The following CDON variants were observed in gnomAD, a reference collection of about 807,000 sequenced individuals.
The protein encoded by CDON is cell adhesion associated, oncogene regulated.
Under a neutral mutation model 120.9 loss-of-function variants are expected in CDON, and 73 were observed. That is an observed-to-expected ratio of 0.60 (90% CI 0.50 to 0.73). The LOEUF (loss-of-function observed/expected upper bound fraction) is 0.73, where lower values mean the gene tolerates loss of function less well. Ranked by LOEUF, CDON falls within the 30% of genes least tolerant of loss-of-function variation. The pLI, the probability that CDON is intolerant of heterozygous loss-of-function variation, is 0.00. For missense variants in CDON, 1,470 were observed against 1,587.3 expected (o/e 0.93, Z 1.26); for synonymous variants, 566 against 573.5 (o/e 0.99, Z 0.19).
At chr11:126,011,912 C>T (rs1947314661) in intron 7 of CDON, among the ~76,000 whole-genome samples, 1 of 152,168 alleles carries the variant, frequency 6.6e-6, no homozygotes, top group South Asian at 2.1e-4. Flanking sequence ...TACCTCCATG[C>T]TGATAACAAT....
chr11:126,010,116 C>G (rs1252504276), intron 8 of CDON, among the ~76,000 whole-genome samples: 3 of 152,172 alleles, frequency 2.0e-5, no homozygotes, highest in Non-Finnish European at 4.4e-5. Flanking sequence ...TGAGAGCTTT[C>G]TGTATTGCAC....
intron 1 of CDON, among the ~76,000 whole-genome samples, chr11:126,033,793 T>C (rs1948014497): frequency 6.6e-6 from 1 of 151,938 alleles, no homozygotes; most frequent in Admixed American, 6.6e-5. Context: ...GCAAACAGAG[T>C]GCTACAAGTC....
chr11:125,966,059 C>T (rs1232377849), intron 18 of CDON, among the ~76,000 whole-genome samples: 1 of 151,998 alleles, frequency 6.6e-6, no homozygotes, highest in Non-Finnish European at 1.5e-5. Context: ...ACCGCTTGAA[C>T]CCGAGAGGCA....
rs1439841928 is a variant in CDON, at chr11:126,000,453, CTG to C, written c.2158+1264_2158+1265del. 9.2e-5 allele frequency among the ~76,000 whole-genome samples: 14 copies of C among 152,340 alleles called. No homozygotes were observed. In the East Asian group the frequency reaches 2.1e-3, roughly 23 times the overall value. On this transcript the variant is annotated intron_variant, in intron 11 of 19. Transcript: ENST00000531738. Reference sequence around the variant, plus strand: ...AAACTCCTGGACTCAAGCGATCCTCCTGTCTCAGCCTCCCAAAGCACTAGCAT... The same window carrying C: ...AAACTCCTGGACTCAAGCGATCCTCCTCTCAGCCTCCCAAAGCACTAGCAT...
intron 7 of CDON, among the ~76,000 whole-genome samples, chr11:126,012,915 T>C (rs1401522820): frequency 6.6e-6 from 1 of 152,214 alleles, no homozygotes; most frequent in African/African-American, 2.4e-5. Flanking sequence ...CTGTGCTGGT[T>C]AGGATTTCCA....
chr11:126,032,405 G>A (rs1013780943), intron 1 of CDON, among the ~76,000 whole-genome samples: 1 of 152,086 alleles, frequency 6.6e-6, no homozygotes, highest in African/African-American at 2.4e-5. Flanking sequence ...ACAGTAAGAA[G>A]AGAAGGATAA....
rs184332389 is a variant in CDON, at chr11:125,971,150, A to G, written c.3356+7154T>C. 6.4e-4 allele frequency among the ~76,000 whole-genome samples: 97 copies of G among 152,236 alleles called. 1 individual carries two copies. The highest frequency in any genetic ancestry group is 1.8e-3 in the Admixed American group (28 of 15,296). On this transcript the variant is annotated intron_variant, in intron 18 of 19. Transcript: ENST00000531738. The stretch of plus-strand genomic sequence containing the variant: ...TGTAATCCCAGTACTTTGGGGGGCC[A>G]AGGCGGGCGGATCACGAGGTCAGGA...
At chr11:125,999,947 G>C (rs186612706) in intron 11 of CDON, among the ~76,000 whole-genome samples, 1 of 152,110 alleles carries the variant, frequency 6.6e-6, no homozygotes, top group Non-Finnish European at 1.5e-5. Flanking sequence ...GCCACTTGTC[G>C]AGATGTCTTT....
At chr11:125,965,403 G>A (rs1565488531) in intron 18 of CDON, among the ~76,000 whole-genome samples, 1 of 152,174 alleles carries the variant, frequency 6.6e-6, no homozygotes, top group Non-Finnish European at 1.5e-5. Flanking sequence ...CTGAGATTCT[G>A]CAGGAAAGGT....
At chr11:126,021,868 C>A (rs1200545499) in intron 2 of CDON, among the ~76,000 whole-genome samples, 2 of 151,980 alleles carry the variant, frequency 1.3e-5, no homozygotes, top group Non-Finnish European at 2.9e-5. Flanking sequence ...CTTTGGGAGG[C>A]CAAGGCGGGT....
At chr11:125,968,118 A>C (rs1945857918) in intron 18 of CDON, among the ~76,000 whole-genome samples, 1 of 152,242 alleles carries the variant, frequency 6.6e-6, no homozygotes, top group Admixed American at 6.5e-5. Flanking sequence ...AAATGCATAT[A>C]CACATATTTG....
At chr11:125,984,178 G>T in intron 15 of CDON, 85 bp from the exon 16 acceptor site, 1 of 930,744 alleles carries the variant, frequency 1.1e-6, no homozygotes, top group Non-Finnish European at 1.7e-6. Flanking sequence ...GGTCTGGTTA[G>T]GAATGCAAGC....
chr11:126,046,657 T>C (rs1948415191), intron 1 of CDON, among the ~76,000 whole-genome samples: 2 of 152,142 alleles, frequency 1.3e-5, no homozygotes. Context: ...GGCTCCAGTT[T>C]TTTGGATCCC....
At position 125,989,619 on chromosome 11, in the gene CDON, A is replaced by G. The variant is rs1339854602; in HGVS notation, c.2773+18T>C. On this transcript the variant is annotated intron_variant, in intron 15 of 19. Coordinates refer to ENST00000531738, the MANE Select transcript of CDON (RefSeq NM_001378964.1). ...TGGAATTCTATCACTGTCCAGGGAAAAGCAAAAATTCTCCTACCTTTAGTC... is the reference window on the plus strand; with the variant it reads ...TGGAATTCTATCACTGTCCAGGGAAGAGCAAAAATTCTCCTACCTTTAGTC... 83 of 1,611,002 alleles carry G rather than the reference A, an allele frequency of 5.2e-5. No individual in the cohort carries two copies. Among genetic ancestry groups the G allele is most frequent in the Non-Finnish European group, 7.0e-5 (82 of 1,177,964 alleles).
intron 1 of CDON, among the ~76,000 whole-genome samples, chr11:126,029,003 G>A (rs1416454674): frequency 1.3e-5 from 2 of 151,996 alleles, no homozygotes; most frequent in Non-Finnish European, 2.9e-5. Context: ...ATATTGTCAA[G>A]TCGTGTTCCA....
chr11:125,970,769 G>T (rs1460024759), intron 18 of CDON, among the ~76,000 whole-genome samples: 1 of 152,144 alleles, frequency 6.6e-6, no homozygotes, highest in Non-Finnish European at 1.5e-5. Context: ...CCTGAACATG[G>T]CAAGTTGACA....
intron 12 of CDON, 141 bp downstream of exon 12, chr11:125,997,066 A>T: frequency 1.4e-6 from 1 of 715,890 alleles, no homozygotes; most frequent in Non-Finnish European, 2.5e-6. Context: ...AGTCTCAGCT[A>T]CTTGGGAGGC....
intron 4 of CDON, among the ~76,000 whole-genome samples, chr11:126,019,059 C>A (rs1454047995): frequency 2.0e-5 from 3 of 152,186 alleles, no homozygotes; most frequent in Non-Finnish European, 4.4e-5. Context: ...CTTTGGCAAA[C>A]CTCTAGCTAC....
At chr11:125,991,464 T>C (rs1171161219) in intron 14 of CDON, among the ~76,000 whole-genome samples, 1 of 152,206 alleles carries the variant, frequency 6.6e-6, no homozygotes, top group Admixed American at 6.5e-5. Flanking sequence ...GACTTAACTT[T>C]AGAAGATAAA....
Sources: gnomAD v4.1 joint callset for allele counts (sites outside exome capture counted in the v4.1 genomes callset) on GRCh38, gnomAD v4.1.1 for gene constraint, MANE v1.5 for transcripts, NCBI Gene and HGNC (gene_info 2026-07-23, HGNC 2026-07-21) for gene names.